Variants in HDX observed in about 807,000 individuals in gnomAD.
HDX encodes highly divergent homeobox.
A neutral mutation model predicts 45.2 loss-of-function variants in HDX; 19 were observed. The observed-to-expected ratio is 0.42, with a 90% CI of 0.29 to 0.62. The LOEUF is 0.62. Among genes scored for constraint, HDX ranks in the 20% least tolerant of loss-of-function variants. The pLI, the probability that HDX is intolerant of heterozygous loss-of-function variation, is 0.20. For missense variants in HDX, 532 were observed against 493.9 expected, an observed-to-expected ratio of 1.08 and a Z score of -0.73; for synonymous variants, 188 against 172.8, an observed-to-expected ratio of 1.09 and a Z score of -0.69.
At chrX:84,339,576 C>T (rs1035954310) in intron 7 of HDX, among the ~76,000 whole-genome samples, 2 of 111,605 alleles carry the variant, frequency 1.8e-5, no homozygotes, top group African/African-American at 6.5e-5. Context: ...TGTTTTCTTT[C>T]GCTTACAGAA....
intron 3 of HDX, among the ~76,000 whole-genome samples, chrX:84,474,074 T>C (rs2040500919): frequency 8.9e-6 from 1 of 111,967 alleles, no homozygotes; most frequent in Admixed American, 9.4e-5. Context: ...GCAGATCATC[T>C]GAGGTCAGGA....
chrX:84,478,328 A>AT (rs1157655430), intron 2 of HDX, among the ~76,000 whole-genome samples: 2 of 111,665 alleles, frequency 1.8e-5, no homozygotes, highest in East Asian at 2.8e-4. Context: ...AATGAGTATA[A>AT]TTTTTTAGAT....
chrX:84,323,454 A>T (rs2036642213), intron 10 of HDX, among the ~76,000 whole-genome samples: 1 of 111,458 alleles, frequency 9.0e-6, no homozygotes. Context: ...AAGAGGAGAA[A>T]GTGTTCAAAT....
chrX:84,464,645 C>T (rs902610493), intron 4 of HDX, among the ~76,000 whole-genome samples: 9 of 111,378 alleles, frequency 8.1e-5, no homozygotes, highest in African/African-American at 2.6e-4. Flanking sequence ...GAAACTGAAC[C>T]CCTTCCTTAC....
intron 5 of HDX, among the ~76,000 whole-genome samples, chrX:84,419,736 C>T (rs1424982522): frequency 3.6e-5 from 4 of 111,966 alleles, no homozygotes; most frequent in East Asian, 2.9e-4. Context: ...GGCTTTAGGT[C>T]GAACTTAGCA....
intron 9 of HDX, among the ~76,000 whole-genome samples, chrX:84,329,619 T>A (rs1482794779): frequency 8.9e-6 from 1 of 112,402 alleles, no homozygotes; most frequent in Non-Finnish European, 1.9e-5. Context: ...TACACAACTA[T>A]GTCCACCTGT....
chrX:84,358,586 C>G (rs926453336), intron 6 of HDX, among the ~76,000 whole-genome samples: 17 of 112,041 alleles, frequency 1.5e-4, no homozygotes, highest in Admixed American at 5.7e-4. Flanking sequence ...GCATGCTCAA[C>G]AAACACAGTA....
chrX:84,452,084 G>GTCTT (rs1045188325), intron 4 of HDX, among the ~76,000 whole-genome samples: 43 of 111,397 alleles, frequency 3.9e-4, no homozygotes, highest in African/African-American at 1.4e-3. Context: ...AAGGCTGAAA[G>GTCTT]TCTTTTTCTG....
intron 5 of HDX, among the ~76,000 whole-genome samples, chrX:84,396,462 C>T (rs979649506): frequency 1.8e-5 from 2 of 111,970 alleles, no homozygotes; most frequent in African/African-American, 6.5e-5. Context: ...GGCCCTAAGG[C>T]AGAGTATTAT....
chrX:84,489,965 C>G (rs971181261), intron 1 of HDX, among the ~76,000 whole-genome samples: 23 of 112,099 alleles, frequency 2.1e-4, no homozygotes, highest in African/African-American at 7.1e-4. Flanking sequence ...TTCAATTTCT[C>G]TAATTAAATA....
chrX:84,323,561 A>G (rs970987521), intron 10 of HDX, among the ~76,000 whole-genome samples: 2 of 111,903 alleles, frequency 1.8e-5, no homozygotes, highest in African/African-American at 6.5e-5. Flanking sequence ...ATTACAAATC[A>G]AAGAAGCATT....
intron 6 of HDX, among the ~76,000 whole-genome samples, chrX:84,356,743 T>C (rs940426517): frequency 7.5e-5 from 8 of 106,380 alleles, no homozygotes; most frequent in East Asian, 3.1e-4. Context: ...CTGCCTCAGC[T>C]TCCCGAGTAG....
intron 5 of HDX, among the ~76,000 whole-genome samples, chrX:84,366,603 C>T (rs1274540986): frequency 1.8e-5 from 2 of 111,603 alleles, no homozygotes; most frequent in Non-Finnish European, 1.9e-5. Context: ...CTACAGTAAG[C>T]AAAACAGCAT....
intron 4 of HDX, among the ~76,000 whole-genome samples, chrX:84,447,350 G>A (rs1427848264): frequency 9.0e-6 from 1 of 111,487 alleles, no homozygotes; most frequent in African/African-American, 3.3e-5. Flanking sequence ...CTAAGGCAAG[G>A]AAGGAGAGGG....
At chrX:84,366,668 A>T (rs375777431) in intron 5 of HDX, among the ~76,000 whole-genome samples, 1 of 111,167 alleles carries the variant, frequency 9.0e-6, no homozygotes, top group East Asian at 2.8e-4. Flanking sequence ...GGGGCCTCAG[A>T]AATAACACCA....
chrX:84,490,342 A>G (rs1325643672), intron 1 of HDX, among the ~76,000 whole-genome samples: 3 of 111,907 alleles, frequency 2.7e-5, no homozygotes, highest in Non-Finnish European at 5.7e-5. Context: ...CTCAAGTAAT[A>G]GATTTCAAGT....
chrX:84,391,003 A>G (rs1353658994), intron 5 of HDX, among the ~76,000 whole-genome samples: 2 of 111,833 alleles, frequency 1.8e-5, no homozygotes, highest in Non-Finnish European at 3.8e-5. Context: ...AATATACAAT[A>G]CATTGTTGCT....
chrX:84,480,194 A>G (rs1403168796), intron 2 of HDX, among the ~76,000 whole-genome samples: 2 of 111,652 alleles, frequency 1.8e-5, no homozygotes, highest in Non-Finnish European at 3.8e-5. Flanking sequence ...ATCTTGGTAC[A>G]TTGAAGTTGT....
chrX:84,440,351 A>G (rs190355396), intron 5 of HDX, 181 bp downstream of exon 5: 1 of 407,363 alleles, frequency 2.5e-6, no homozygotes, highest in Admixed American at 4.8e-5. Flanking sequence ...CTACATTATA[A>G]TTAAGATTAC....
Sources: allele counts gnomAD v4.1 joint callset (sites outside exome capture counted in the v4.1 genomes callset), GRCh38; gene constraint gnomAD v4.1.1; transcripts MANE v1.5; gene names NCBI Gene and HGNC (gene_info 2026-07-23, HGNC 2026-07-21).